The following SYNDIG1L variants were observed in gnomAD, a reference collection of about 807,000 sequenced individuals.
The protein encoded by SYNDIG1L is synapse differentiation-inducing gene protein 1-like.
A neutral mutation model predicts 20.1 loss-of-function variants in SYNDIG1L; 13 were observed. That is an observed-to-expected ratio of 0.65 (90% CI 0.42 to 1.03). The LOEUF (loss-of-function observed/expected upper bound fraction) is 1.03. Among genes scored for constraint, SYNDIG1L ranks in the 50% least tolerant of loss-of-function variants. SYNDIG1L has a pLI of 0.00. For synonymous variants in SYNDIG1L, 128 were observed against 129.3 expected, an observed-to-expected ratio of 0.99 and a Z score of 0.07; for missense variants, 294 against 305.1, an observed-to-expected ratio of 0.96 and a Z score of 0.27.
chr14:74,408,537 C>CG (rs905881778), intron 2 of SYNDIG1L, among the ~76,000 whole-genome samples: 1 of 143,224 alleles, frequency 7.0e-6, no homozygotes, highest in African/African-American at 2.6e-5. Context: ...GCACTCCAGC[C>CG]GGGGCGACAG....
chr14:74,459,731 G>GC, the SYNDIG1L span, among the ~76,000 whole-genome samples: 2 of 152,146 alleles, frequency 1.3e-5, no homozygotes, highest in Admixed American at 6.5e-5. Flanking sequence ...GTTGGCCAAA[G>GC]CCCCCCACTA....
intron 3 of SYNDIG1L, 66 bp downstream of exon 3, chr14:74,407,783 C>A: frequency 6.3e-7 from 1 of 1,577,688 alleles, no homozygotes; most frequent in African/African-American, 1.3e-5. Flanking sequence ...ATCCTGCAGA[C>A]GGGATGCCAA....
intron 1 of SYNDIG1L, among the ~76,000 whole-genome samples, chr14:74,419,416 T>C (rs1048259488): frequency 2.0e-5 from 3 of 152,134 alleles, no homozygotes; most frequent in Admixed American, 2.0e-4. Flanking sequence ...AATGAGTGAA[T>C]TAGTGAATGG....
At chr14:74,436,530 C>A in the SYNDIG1L span, among the ~76,000 whole-genome samples, 1 of 152,014 alleles carries the variant, frequency 6.6e-6, no homozygotes, top group Non-Finnish European at 1.5e-5. Flanking sequence ...TGAGCCACCA[C>A]GTCTGGCCAA....
Position 74,407,501 on chromosome 14 carries a change from G to C in SYNDIG1L, c.*34C>G, listed in dbSNP as rs2086092481. On this transcript the variant is annotated 3_prime_UTR_variant, in exon 4 of 4. Coordinates refer to ENST00000331628, the MANE Select transcript of SYNDIG1L (RefSeq NM_001105579.2). ...CCAAGCCCCACTGCTTCCTCAGGTG[G>C]GCAGGGGAGTCAGGATGCAGGCCCT... is the stretch of plus-strand genomic sequence containing the variant. 3.1e-6 allele frequency: 5 copies of C among 1,611,886 alleles called. No homozygotes were observed. The highest frequency in any genetic ancestry group is 4.2e-6 in the Non-Finnish European group (5 of 1,179,750).
At chr14:74,444,470 G>C in the SYNDIG1L span, among the ~76,000 whole-genome samples, 4 of 151,916 alleles carry the variant, frequency 2.6e-5, no homozygotes, top group Admixed American at 6.6e-5. Context: ...ACAAAATAAG[G>C]CTGGGCATGG....
the SYNDIG1L span, among the ~76,000 whole-genome samples, chr14:74,470,483 C>A: frequency 1.3e-5 from 2 of 152,130 alleles, no homozygotes. Flanking sequence ...AATAGGGACA[C>A]AATGCATTGG....
At chr14:74,409,842 A>G (rs2086117464) in intron 1 of SYNDIG1L, 41 bp from the exon 2 acceptor site, 2 of 1,315,848 alleles carry the variant, frequency 1.5e-6, no homozygotes, top group Non-Finnish European at 2.0e-6. Context: ...AGGCCAGGGC[A>G]CTGGAGGCAG....
At chr14:74,424,800 G>T (rs1041645010) in intron 1 of SYNDIG1L, among the ~76,000 whole-genome samples, 1 of 152,156 alleles carries the variant, frequency 6.6e-6, no homozygotes, top group Non-Finnish European at 1.5e-5. Flanking sequence ...TGTACAGGTG[G>T]CAAGCCTCCA....
At chr14:74,443,066 C>T in the SYNDIG1L span, among the ~76,000 whole-genome samples, 1 of 152,180 alleles carries the variant, frequency 6.6e-6, no homozygotes, top group Non-Finnish European at 1.5e-5. Flanking sequence ...GGAAAATTAG[C>T]ACAGACAGTA....
intron 1 of SYNDIG1L, among the ~76,000 whole-genome samples, chr14:74,423,927 C>A (rs1259303249): frequency 6.6e-6 from 1 of 151,990 alleles, no homozygotes; most frequent in Non-Finnish European, 1.5e-5. Context: ...GGCCTCTGGG[C>A]TTGGAGGCAG....
chr14:74,456,210 A>G, the SYNDIG1L span, among the ~76,000 whole-genome samples: 1 of 152,134 alleles, frequency 6.6e-6, no homozygotes, highest in Non-Finnish European at 1.5e-5. Context: ...TCTCACATAT[A>G]AAGTGAAGGA....
At chr14:74,417,361 C>A (rs540702254) in intron 1 of SYNDIG1L, among the ~76,000 whole-genome samples, 1 of 152,264 alleles carries the variant, frequency 6.6e-6, no homozygotes, top group African/African-American at 2.4e-5. Context: ...GCCTGGTGGG[C>A]TCTGACCTGA....
At chr14:74,480,046 A>G in the SYNDIG1L span, 1 of 1,502,572 alleles carries the variant, frequency 6.7e-7, no homozygotes, top group East Asian at 2.5e-5. Context: ...ACATCTGCTA[A>G]CCAAGTGCTG....
the SYNDIG1L span, among the ~76,000 whole-genome samples, chr14:74,432,295 C>T: frequency 5.3e-5 from 8 of 152,126 alleles, no homozygotes; most frequent in African/African-American, 1.7e-4. Context: ...GCAAGCAGTG[C>T]TTGGGGCACC....
At chr14:74,430,162 TAA>T (rs1460693063), upstream of SYNDIG1L, among the ~76,000 whole-genome samples, 1 of 152,030 alleles carries the variant, frequency 6.6e-6, no homozygotes, top group Non-Finnish European at 1.5e-5. Flanking sequence ...AACCAGAGCA[TAA>T]AGTGAAGGAA....
intron 1 of SYNDIG1L, among the ~76,000 whole-genome samples, chr14:74,422,241 A>T (rs2086228043): frequency 6.6e-6 from 1 of 151,852 alleles, no homozygotes; most frequent in Non-Finnish European, 1.5e-5. Context: ...GGGCAGCTGC[A>T]GGGAGGAAGG....
the SYNDIG1L span, among the ~76,000 whole-genome samples, chr14:74,446,885 A>G: frequency 6.6e-6 from 1 of 152,086 alleles, no homozygotes; most frequent in Non-Finnish European, 1.5e-5. Context: ...CCAAAGTCCT[A>G]GGATTACAGG....
the SYNDIG1L span, among the ~76,000 whole-genome samples, chr14:74,436,527 C>T: frequency 1.3e-5 from 2 of 152,006 alleles, no homozygotes; most frequent in African/African-American, 4.8e-5. Flanking sequence ...GTGTGAGCCA[C>T]CACGTCTGGC....
Sources: gnomAD v4.1 joint callset for allele counts (sites outside exome capture counted in the v4.1 genomes callset) on GRCh38, gnomAD v4.1.1 for gene constraint, MANE v1.5 for transcripts, NCBI Gene and HGNC (gene_info 2026-07-23, HGNC 2026-07-21) for gene names.